The following SPSB4 variants were observed in gnomAD, a reference collection of about 807,000 sequenced individuals.
SPSB4 encodes SPRY domain-containing SOCS box protein 4.
In SPSB4, 21 loss-of-function variants were observed where a neutral mutation model predicts 20.9. The ratio of observed to expected loss-of-function variants is 1.01; its 90% CI spans 0.71 to 1.45. The LOEUF is 1.45. Among genes scored for constraint, SPSB4 ranks in the 40% most tolerant of loss-of-function variants. SPSB4 has a pLI of 0.00. For missense variants in SPSB4, 399 were observed against 399.2 expected (o/e 1.00, Z 0.00); for synonymous variants, 207 against 183.8 (o/e 1.13, Z -1.02).
At chr3:141,091,454 C>T (rs1026391095) in intron 2 of SPSB4, among the ~76,000 whole-genome samples, 2 of 152,216 alleles carry the variant, frequency 1.3e-5, no homozygotes, top group African/African-American at 4.8e-5. Context: ...ATGCTGTCTA[C>T]TTATAAGTGC....
At chr3:141,109,959 G>A (rs899348) in intron 2 of SPSB4, among the ~76,000 whole-genome samples, 52,742 of 151,998 alleles carry the variant, frequency 0.35, 10,688 homozygotes, top group African/African-American at 0.55. Context: ...CATTTTCATC[G>A]CAGAGAATCT....
At position 141,113,545 on chromosome 3, in the gene SPSB4, CT is replaced by C. The variant is rs1938837393; in HGVS notation, c.695-33596del. On this transcript the variant is annotated intron_variant, in intron 2 of 2. Coordinates refer to ENST00000310546, the MANE Select transcript of SPSB4 (RefSeq NM_080862.3). The stretch of plus-strand genomic sequence containing the variant: ...GTGAAAGAAACCTGATACAAAAGGT[CT>C]CATTATATGATTCCATACAATCATA... Among the ~76,000 whole-genome samples the C allele has an allele frequency of 2.6e-5, 4 of 152,188 alleles. No homozygotes were observed. The South Asian group carries it at 8.3e-4, about 32-fold the overall frequency.
At chr3:141,117,244 G>C (rs771868197) in intron 2 of SPSB4, 3 of 152,288 alleles carry the variant, frequency 2.0e-5, no homozygotes, top group Admixed American at 6.5e-5. Flanking sequence ...CACTCCCCAC[G>C]AGGCAGGTGA....
chr3:141,079,622 A>G (rs887980300), intron 2 of SPSB4, among the ~76,000 whole-genome samples: 2 of 152,224 alleles, frequency 1.3e-5, no homozygotes, highest in Non-Finnish European at 2.9e-5. Flanking sequence ...CCTTAGCCGG[A>G]AGCTGGGCAG....
chr3:141,095,578 T>C (rs1344992590), intron 2 of SPSB4, among the ~76,000 whole-genome samples: 1 of 151,952 alleles, frequency 6.6e-6, no homozygotes, highest in Admixed American at 6.5e-5. Flanking sequence ...GAGTTTTTAC[T>C]TTTCTCTGTG....
chr3:141,059,092 G>A (rs1202919042), intron 1 of SPSB4, among the ~76,000 whole-genome samples: 1 of 152,104 alleles, frequency 6.6e-6, no homozygotes, highest in Admixed American at 6.5e-5. Flanking sequence ...ATGCCCTCAA[G>A]GTAGAAAAAA....
intron 2 of SPSB4, among the ~76,000 whole-genome samples, chr3:141,129,397 A>C (rs1939100154): frequency 6.6e-6 from 1 of 152,038 alleles, no homozygotes; most frequent in South Asian, 2.1e-4. Context: ...TGCTCCTTGG[A>C]GCTTGGGGTT....
At chr3:141,097,865 T>C (rs188658711) in intron 2 of SPSB4, among the ~76,000 whole-genome samples, 44 of 152,288 alleles carry the variant, frequency 2.9e-4, no homozygotes, top group Admixed American at 1.4e-3. Flanking sequence ...TTACTGATAA[T>C]AATAGTGACC....
At position 141,066,153 on chromosome 3, in the gene SPSB4, C is replaced by T. The variant is rs1280188680; in HGVS notation, c.49C>T (p.Pro17Ser). ...CCTCAAGTCAGTGGAGGTGCGAGAG[C>T]CGGCGCTGCGGCCGGCCAAGCGGGA... The part of the protein sequence containing the change: ...GSLKSVEVRE[P>S]ALRPAKRELR... The change falls in exon 2 of 3, where the codon CCG (proline) becomes TCG (serine). Residue 17 changes from proline to serine, a missense_variant. Physicochemically the swap from Pro to Ser is moderately conservative, Grantham distance 74. Coordinates refer to ENST00000310546, the MANE Select transcript of SPSB4 (RefSeq NM_080862.3). The T allele has an allele frequency of 3.9e-6, 6 of 1,532,448 alleles. No individual in the cohort carries two copies. In the Admixed American group the frequency reaches 1.0e-4, roughly 26 times the overall value. 94.9% of individuals were successfully genotyped at this position (1,532,448 alleles called of 1,614,324 possible). A position where few individuals can be genotyped will look rare whatever the true frequency, so the allele number is the denominator to read the frequency against.
intron 2 of SPSB4, among the ~76,000 whole-genome samples, chr3:141,103,870 T>C (rs1293300642): frequency 6.6e-6 from 1 of 151,218 alleles, no homozygotes; most frequent in African/African-American, 2.4e-5. Context: ...TCCTCCAGAA[T>C]GGATTCAGTT....
chr3:141,074,527 A>G (rs974608483), intron 2 of SPSB4, among the ~76,000 whole-genome samples: 1 of 152,258 alleles, frequency 6.6e-6, no homozygotes, highest in Non-Finnish European at 1.5e-5. Flanking sequence ...TCTAAGATAC[A>G]TGATGGAAAT....
intron 2 of SPSB4, among the ~76,000 whole-genome samples, chr3:141,082,085 C>A (rs77386838): frequency 6.6e-6 from 1 of 152,190 alleles, no homozygotes; most frequent in African/African-American, 2.4e-5. Flanking sequence ...GACCTGGTGG[C>A]CTTTCACCAG....
chr3:141,115,275 C>T (rs1028449307), intron 2 of SPSB4: 6 of 152,214 alleles, frequency 3.9e-5, no homozygotes, highest in Non-Finnish European at 7.3e-5. Context: ...ACTGAGGGAC[C>T]AGCTGTCCCC....
chr3:141,107,394 TAAATAAGAC>T (rs1266946103), intron 2 of SPSB4, among the ~76,000 whole-genome samples: 1 of 139,660 alleles, frequency 7.2e-6, no homozygotes, highest in African/African-American at 3.3e-5. Context: ...AGGAAAAAAA[TAAATAAGAC>T]GAGAAGAGTC....
At position 141,066,460 on chromosome 3, in the gene SPSB4, C is replaced by T. The variant is rs779337757; in HGVS notation, c.356C>T (p.Thr119Met). Residue 119 changes from threonine (T) to methionine (M), a missense_variant, in exon 2 of 3, where the codon ACG becomes ATG. By Grantham distance (81) the Thr-to-Met change is moderately conservative. Transcript: ENST00000310546. ...ACCCACGCTGTAGTTGGTGTGGCCA[C>T]GGCCCGTGCTCCCCTGCACTCCGTG... ...RGTHAVVGVA[T>M]ARAPLHSVGY... 1.3e-6 allele frequency: 2 copies of T among 1,498,578 alleles called. No homozygotes were observed. The highest frequency in any genetic ancestry group is 1.3e-5 in the South Asian group (1 of 75,714). 92.8% of individuals were successfully genotyped at this position (1,498,578 alleles called of 1,614,324 possible). A position where few individuals can be genotyped will look rare whatever the true frequency, so the allele number is the denominator to read the frequency against.
chr3:141,107,863 G>A (rs1228465515), intron 2 of SPSB4, among the ~76,000 whole-genome samples: 1 of 152,002 alleles, frequency 6.6e-6, no homozygotes, highest in Non-Finnish European at 1.5e-5. Flanking sequence ...GCTGAGGCAC[G>A]AACATCACTT....
chr3:141,098,841 G>T (rs1938579258), intron 2 of SPSB4, among the ~76,000 whole-genome samples: 1 of 152,182 alleles, frequency 6.6e-6, no homozygotes, highest in Non-Finnish European at 1.5e-5. Context: ...GAATTCCAAA[G>T]ACTGGGTAAT....
intron 2 of SPSB4, among the ~76,000 whole-genome samples, chr3:141,107,158 A>G (rs548934071): frequency 2.0e-5 from 3 of 152,364 alleles, no homozygotes; most frequent in African/African-American, 7.2e-5. Context: ...GCAAAGCCTC[A>G]GGAAAAACAC....
At chr3:141,067,738 G>A (rs1937918746) in intron 2 of SPSB4, among the ~76,000 whole-genome samples, 1 of 152,210 alleles carries the variant, frequency 6.6e-6, no homozygotes, top group South Asian at 2.1e-4. Flanking sequence ...TCCCAGCTGA[G>A]GGGCCAGGAG....
Sources: allele counts gnomAD v4.1 joint callset (sites outside exome capture counted in the v4.1 genomes callset), GRCh38; gene constraint gnomAD v4.1.1; transcripts MANE v1.5; gene names NCBI Gene and HGNC (gene_info 2026-07-23, HGNC 2026-07-21).